LRPAP1: variants seen among roughly 807,000 people sequenced by gnomAD.
LRPAP1 encodes alpha-2-macroglobulin receptor-associated protein.
A neutral mutation model predicts 39.9 loss-of-function variants in LRPAP1; 41 were observed. The ratio of observed to expected loss-of-function variants is 1.03; its 90% CI spans 0.80 to 1.33. The LOEUF (loss-of-function observed/expected upper bound fraction) is 1.33, where lower values mean the gene tolerates loss of function less well. Ranked by LOEUF, LRPAP1 falls within the 40% of genes most tolerant of loss-of-function variation. The pLI, the probability that LRPAP1 is intolerant of heterozygous loss-of-function variation, is 0.00. For synonymous variants in LRPAP1, 263 were observed against 212.7 expected (o/e 1.24, Z -2.06); for missense variants, 565 against 482.3 (o/e 1.17, Z -1.61).
intron 2 of LRPAP1, among the ~76,000 whole-genome samples, chr4:3,522,514 T>C (rs991904743): frequency 4.6e-5 from 7 of 151,754 alleles, no homozygotes; most frequent in African/African-American, 1.7e-4. Context: ...ACTCCCTGCC[T>C]GGGGAGGACG....
At position 3,504,382 on chromosome 4, in the gene LRPAP1, G is replaced by GGT. The variant is rs962079982; in HGVS notation, c.*8590_*8591dup. 6.6e-6 allele frequency: 1 copy of GGT among 152,260 alleles called. No individual in the cohort carries two copies. Among genetic ancestry groups the GGT allele is most frequent in the African/African-American group, 2.4e-5 (1 of 41,454 alleles). The allele number at this position is 152,260 out of a possible 1,614,324, so 9.4% of individuals were successfully genotyped here. On this transcript the variant is annotated 3_prime_UTR_variant, in exon 8 of 8. Coordinates refer to ENST00000650182, the MANE Select transcript of LRPAP1 (RefSeq NM_002337.4). ...TAATCCCAGCACTTTGGGCAGCCGA[G>GGT]GTGGGCACATCACTTGAGGTCAGGA... is the stretch of plus-strand genomic sequence containing the variant.
intron 1 of LRPAP1, 33 bp from the exon 2 acceptor site, chr4:3,525,084 G>A (rs767302623): frequency 9.9e-6 from 16 of 1,612,242 alleles, no homozygotes; most frequent in Middle Eastern, 1.6e-4. Context: ...TGTGAGCCAC[G>A]AGCAGGACGG....
At chr4:3,521,941 G>A (rs749198146) in intron 2 of LRPAP1, among the ~76,000 whole-genome samples, 1 of 152,238 alleles carries the variant, frequency 6.6e-6, no homozygotes, top group Non-Finnish European at 1.5e-5. Context: ...TTCAAGACCA[G>A]CCAGGGCAGC....
Position 3,516,281 on chromosome 4 carries a change from C to T in LRPAP1, c.752-83G>A, listed in dbSNP as rs916833570. 1.9e-5 allele frequency: 21 copies of T among 1,080,342 alleles called. No homozygotes were observed. In the East Asian group the frequency reaches 2.4e-4, roughly 12 times the overall value. The allele number at this position is 1,080,342 out of a possible 1,614,324, so 66.9% of individuals were successfully genotyped here. A position where few individuals can be genotyped will look rare whatever the true frequency, so the allele number is the denominator to read the frequency against. On this transcript the variant is annotated intron_variant, in intron 5 of 7. Coordinates refer to ENST00000650182, the MANE Select transcript of LRPAP1 (RefSeq NM_002337.4). ...CCCCGCGGCAACCACGCTGAGTGTG[C>T]GTGGAGCCTATGAGGGTTTGCAGGC...
At chr4:3,531,778 G>A (rs1730262030) in intron 1 of LRPAP1, among the ~76,000 whole-genome samples, 1 of 152,226 alleles carries the variant, frequency 6.6e-6, no homozygotes, top group Non-Finnish European at 1.5e-5. Context: ...CTTGCTACTG[G>A]GATTCCTTCT....
chr4:3,520,937 T>C (rs952523600), intron 2 of LRPAP1, among the ~76,000 whole-genome samples: 2 of 152,184 alleles, frequency 1.3e-5, no homozygotes, highest in African/African-American at 4.8e-5. Flanking sequence ...CAACATGATA[T>C]GAAAGCAGGC....
intron 2 of LRPAP1, among the ~76,000 whole-genome samples, chr4:3,521,910 A>T (rs1198607507): frequency 1.3e-5 from 2 of 152,212 alleles, no homozygotes; most frequent in African/African-American, 4.8e-5. Context: ...CCAAGGCAGG[A>T]GGGCCGTCTG....
At chr4:3,529,590 G>A (rs1207468189) in intron 1 of LRPAP1, among the ~76,000 whole-genome samples, 2 of 152,172 alleles carry the variant, frequency 1.3e-5, no homozygotes, top group East Asian at 1.9e-4. Flanking sequence ...CTCTGCTCAG[G>A]AGTCTTGCAA....
At chr4:3,529,954 A>G (rs1201710412) in intron 1 of LRPAP1, among the ~76,000 whole-genome samples, 2 of 152,236 alleles carry the variant, frequency 1.3e-5, no homozygotes, top group Non-Finnish European at 2.9e-5. Flanking sequence ...GGCTGAGAGC[A>G]GTGGCTGCAG....
intron 2 of LRPAP1, among the ~76,000 whole-genome samples, chr4:3,522,146 C>T (rs1452148930): frequency 6.6e-6 from 1 of 152,230 alleles, no homozygotes; most frequent in East Asian, 1.9e-4. Flanking sequence ...ACCCCCAAGT[C>T]CAGCCACTGC....
At chr4:3,528,037 G>A (rs535424530) in intron 1 of LRPAP1, among the ~76,000 whole-genome samples, 20 of 152,296 alleles carry the variant, frequency 1.3e-4, no homozygotes, top group Middle Eastern at 3.4e-3. Context: ...AGTGCTCAGC[G>A]CAGAAGGGGC....
At chr4:3,518,803 G>A in intron 4 of LRPAP1, 68 bp downstream of exon 4, 1 of 1,111,548 alleles carries the variant, frequency 9.0e-7, no homozygotes, top group Non-Finnish European at 1.3e-6. Context: ...ACGAGCCTCA[G>A]GTGCAGGAGG....
At position 3,514,865 on chromosome 4, in the gene LRPAP1, T is replaced by A; in HGVS notation, c.898A>T (p.Ile300Phe). The change falls in exon 7 of 8, where the codon ATT (isoleucine) becomes TTT (phenylalanine). Residue 300 changes from isoleucine (I) to phenylalanine (F), a missense_variant. Physicochemically the swap from Ile to Phe is conservative, Grantham distance 21 (BLOSUM62 0). Transcript: ENST00000650182. ...KHNHYQKQLE[I>F]AHEKLRHAES... ...GCGTGCCTCAGCTTCTCGTGCGCAA[T>A]CTCCAGCTGCTTCTGGTAGTGGTTG... 1 of 1,613,880 alleles carries A rather than the reference T, an allele frequency of 6.2e-7. No homozygotes were observed. The highest frequency in any genetic ancestry group is 8.5e-7 in the Non-Finnish European group (1 of 1,179,916).
Position 3,518,186 on chromosome 4 carries a change from T to C in LRPAP1, c.599A>G (p.His200Arg), listed in dbSNP as rs764995988. The C allele has an allele frequency of 1.2e-6, 2 of 1,610,054 alleles. No individual in the cohort carries two copies. The highest frequency in any genetic ancestry group is 1.7e-6 in the Non-Finnish European group (2 of 1,177,336). ...LETLSRTEEI[H>R]ENVISPSDLS... is the part of the protein sequence containing the mutation. Reference sequence around the variant, plus strand: ...GTCCGAGGGGCTAATGACGTTCTCGTGGATTTCTGTAAAACCGAAGGCAGG... The same window carrying C: ...GTCCGAGGGGCTAATGACGTTCTCGCGGATTTCTGTAAAACCGAAGGCAGG... The change falls in exon 5 of 8, where the codon CAC (histidine) becomes CGC (arginine). Residue 200 changes from histidine to arginine, a missense_variant. Transcript: ENST00000650182.
In LRPAP1 at chr4:3,507,661, G is replaced by T. The variant is rs1262507771; in HGVS notation, c.*5313C>A. On this transcript the variant is annotated 3_prime_UTR_variant, in exon 8 of 8. Coordinates refer to ENST00000650182, the MANE Select transcript of LRPAP1 (RefSeq NM_002337.4). ...TCAATGATCTAAGCCTCTATCAAAA[G>T]AACCTAAAACAAGGACAGCAAATTG... 2 of 151,374 alleles carry T rather than the reference G, an allele frequency of 1.3e-5. No homozygotes were observed. Among genetic ancestry groups the T allele is most frequent in the African/African-American group, 4.9e-5 (2 of 41,144 alleles). The allele number at this position is 151,374 out of a possible 1,614,324, so 9.4% of individuals were successfully genotyped here.
Position 3,516,203 on chromosome 4 carries a change from AGGG to A in LRPAP1, c.752-8_752-6del. On this transcript the variant is annotated splice_region_variant and splice_polypyrimidine_tract_variant and intron_variant, in intron 5 of 7. Coordinates refer to ENST00000650182, the MANE Select transcript of LRPAP1 (RefSeq NM_002337.4). Reference sequence around the variant, plus strand: ...TCACCCTGGGCTCCTCGAACTCTGCAGGGGAGGAGCAAGAGTGGCCTCAGCAGC... The same window carrying A: ...TCACCCTGGGCTCCTCGAACTCTGCAGAGGAGCAAGAGTGGCCTCAGCAGC... 2 of 1,564,634 alleles carry A rather than the reference AGGG, an allele frequency of 1.3e-6. No homozygotes were observed. Among genetic ancestry groups the A allele is most frequent in the Non-Finnish European group, 1.7e-6 (2 of 1,154,506 alleles).
At position 3,508,451 on chromosome 4, in the gene LRPAP1, C is replaced by G. The variant is rs1199398368; in HGVS notation, c.*4523G>C. ...CTATGGCAGAACTTGTTTCAGGAGG[C>G]CCACTTAATGCAATATCAAACCATG... On this transcript the variant is annotated 3_prime_UTR_variant, in exon 8 of 8. Transcript: ENST00000650182. The G allele has an allele frequency of 1.3e-5, 2 of 152,150 alleles. No individual in the cohort carries two copies. The highest frequency in any genetic ancestry group is 4.8e-5 in the African/African-American group (2 of 41,414). 9.4% of individuals were successfully genotyped at this position (152,150 alleles called of 1,614,324 possible).
chr4:3,516,331 G>A (rs1028692324), intron 5 of LRPAP1, 133 bp from the exon 6 acceptor site: 24 of 543,556 alleles, frequency 4.4e-5, no homozygotes, highest in African/African-American at 2.9e-4. Flanking sequence ...TGTGAAACAC[G>A]GGTGCGTGCA....
At chr4:3,515,215 C>A (rs1729656490) in intron 6 of LRPAP1, among the ~76,000 whole-genome samples, 1 of 152,178 alleles carries the variant, frequency 6.6e-6, no homozygotes, top group Admixed American at 6.5e-5. Context: ...CCAGCCAGAC[C>A]CCATGTCCAG....
Sources: gnomAD v4.1 joint callset for allele counts (sites outside exome capture counted in the v4.1 genomes callset) on GRCh38, gnomAD v4.1.1 for gene constraint, MANE v1.5 for transcripts, NCBI Gene and HGNC (gene_info 2026-07-23, HGNC 2026-07-21) for gene names.